The following GLIS3 variants were observed in gnomAD, a reference collection of about 807,000 sequenced individuals.
GLIS3 encodes the protein zinc finger protein GLIS3.
GLIS3 carries 53 observed loss-of-function variants against 78.6 expected under a neutral mutation model. The observed-to-expected ratio is 0.67, with a 90% CI of 0.54 to 0.85. GLIS3 has a LOEUF of 0.85. Ranked by LOEUF, GLIS3 falls within the 40% of genes least tolerant of loss-of-function variation. The pLI is 0.00. For missense variants in GLIS3, 1,703 were observed against 1,231.1 expected (o/e 1.38, Z -5.74); for synonymous variants, 684 against 509.9 (o/e 1.34, Z -4.60).
intron 6 of GLIS3, among the ~76,000 whole-genome samples, chr9:3,922,593 G>A (rs568591803): frequency 1.4e-4 from 21 of 152,126 alleles, no homozygotes; most frequent in African/African-American, 4.6e-4. Flanking sequence ...GGGGAAATGC[G>A]GAAAAATAAT....
At chr9:3,929,424 C>T (rs514716) in intron 6 of GLIS3, among the ~76,000 whole-genome samples, 125,529 of 152,062 alleles carry the variant, frequency 0.83, 52,067 homozygotes, top group Middle Eastern at 0.9. Flanking sequence ...CAGTAGGATC[C>T]GACAGGTGTG....
chr9:4,163,470 AGAC>A (rs1388856650), intron 2 of GLIS3, among the ~76,000 whole-genome samples: 4 of 152,364 alleles, frequency 2.6e-5, no homozygotes, highest in African/African-American at 9.6e-5. Flanking sequence ...GACCAAACTG[AGAC>A]GAAGTCCTCA....
chr9:4,202,124 C>A (rs755859118), intron 2 of GLIS3, among the ~76,000 whole-genome samples: 36 of 149,362 alleles, frequency 2.4e-4, no homozygotes, highest in Non-Finnish European at 3.8e-4. Context: ...GGTGACAGAG[C>A]AAGACTCTTT....
At chr9:4,004,677 G>C (rs983864701) in intron 4 of GLIS3, among the ~76,000 whole-genome samples, 1 of 152,150 alleles carries the variant, frequency 6.6e-6, no homozygotes, top group Non-Finnish European at 1.5e-5. Flanking sequence ...AATGGAAATG[G>C]GGGTACTGCT....
At chr9:3,984,202 C>T (rs1349455596) in intron 4 of GLIS3, among the ~76,000 whole-genome samples, 1 of 152,246 alleles carries the variant, frequency 6.6e-6, no homozygotes, top group African/African-American at 2.4e-5. Flanking sequence ...CATTGTCCTC[C>T]AGACCCCAGA....
chr9:3,829,611 A>G, intron 9 of GLIS3, 119 bp from the exon 10 acceptor site: 1 of 925,546 alleles, frequency 1.1e-6, no homozygotes, highest in Non-Finnish European at 1.7e-6. Context: ...TTTAACTCTT[A>G]AGGCCACCTG....
At chr9:4,370,899 G>A in the GLIS3 span, among the ~76,000 whole-genome samples, 1 of 151,848 alleles carries the variant, frequency 6.6e-6, no homozygotes, top group East Asian at 1.9e-4. Flanking sequence ...AACCTCAGAA[G>A]GCAAAAGATA....
chr9:4,178,326 T>C (rs1439216324), intron 2 of GLIS3, among the ~76,000 whole-genome samples: 1 of 152,104 alleles, frequency 6.6e-6, no homozygotes, highest in Non-Finnish European at 1.5e-5. Flanking sequence ...CTAAAAGATA[T>C]CCTGCAAAGG....
intron 2 of GLIS3, among the ~76,000 whole-genome samples, chr9:4,249,593 A>G (rs189106309): frequency 1.3e-5 from 2 of 152,244 alleles, no homozygotes; most frequent in Non-Finnish European, 2.9e-5. Flanking sequence ...CTCTCTTCCT[A>G]TTTGAACACT....
the GLIS3 span, among the ~76,000 whole-genome samples, chr9:4,371,071 A>G: frequency 6.6e-6 from 1 of 152,108 alleles, no homozygotes; most frequent in Non-Finnish European, 1.5e-5. Context: ...ATTCACTTGT[A>G]TTGTCTAAAA....
chr9:4,447,532 T>C, the GLIS3 span, among the ~76,000 whole-genome samples: 3 of 152,176 alleles, frequency 2.0e-5, no homozygotes, highest in African/African-American at 7.2e-5. Flanking sequence ...TACAGGTACT[T>C]GTTTTATACC....
intron 4 of GLIS3, among the ~76,000 whole-genome samples, chr9:4,097,909 A>AT (rs990662748): frequency 2.0e-5 from 3 of 152,054 alleles, no homozygotes; most frequent in South Asian, 2.1e-4. Flanking sequence ...CATATTTTCA[A>AT]TTTTTTTTGT....
At chr9:4,317,866 A>G (rs1244120716) in intron 2 of GLIS3, among the ~76,000 whole-genome samples, 1 of 152,258 alleles carries the variant, frequency 6.6e-6, no homozygotes, top group Non-Finnish European at 1.5e-5. Context: ...TAAGCTGCCA[A>G]GCAGATGGAA....
At chr9:3,854,669 T>C (rs184507026) in intron 9 of GLIS3, among the ~76,000 whole-genome samples, 1,589 of 151,652 alleles carry the variant, frequency 0.01, 28 homozygotes, top group African/African-American at 0.036. Flanking sequence ...CCCAAGTAGC[T>C]GGGACTACAA....
intron 4 of GLIS3, among the ~76,000 whole-genome samples, chr9:4,111,687 G>A (rs1022724254): frequency 2.0e-5 from 3 of 152,234 alleles, no homozygotes; most frequent in Admixed American, 2.0e-4. Context: ...TGCTTACACA[G>A]ATACATATGT....
At chr9:4,438,418 A>C in the GLIS3 span, among the ~76,000 whole-genome samples, 2 of 152,176 alleles carry the variant, frequency 1.3e-5, no homozygotes, top group Non-Finnish European at 2.9e-5. Flanking sequence ...CATGTCCCAG[A>C]GAAGCTTCCC....
At chr9:4,175,981 A>T (rs1480644536) in intron 2 of GLIS3, among the ~76,000 whole-genome samples, 1 of 152,158 alleles carries the variant, frequency 6.6e-6, no homozygotes, top group Non-Finnish European at 1.5e-5. Context: ...TGAGCTAATG[A>T]AAATATCTTT....
the GLIS3 span, among the ~76,000 whole-genome samples, chr9:4,403,677 G>A: frequency 5.9e-5 from 9 of 152,050 alleles, no homozygotes. Flanking sequence ...TTATAAAATA[G>A]TATTTGCAAG....
intron 4 of GLIS3, among the ~76,000 whole-genome samples, chr9:4,049,506 G>A (rs779610432): frequency 2.6e-5 from 4 of 152,106 alleles, no homozygotes; most frequent in African/African-American, 7.2e-5. Context: ...CACAGATGCC[G>A]GCAGGAGTGT....
Sources: allele counts gnomAD v4.1 joint callset (sites outside exome capture counted in the v4.1 genomes callset), GRCh38; gene constraint gnomAD v4.1.1; transcripts MANE v1.5; gene names NCBI Gene and HGNC (gene_info 2026-07-23, HGNC 2026-07-21).